The following KLRG1 variants were observed in gnomAD, a reference collection of about 807,000 sequenced individuals.
KLRG1 encodes the protein killer cell lectin-like receptor subfamily G member 1.
In KLRG1, 16 loss-of-function variants were observed where a neutral mutation model predicts 21.8. That is an observed-to-expected ratio of 0.73 (90% CI 0.50 to 1.11). KLRG1 has a LOEUF of 1.11. Among genes scored for constraint, KLRG1 ranks in the 50% most tolerant of loss-of-function variants. The probability of loss-of-function intolerance (pLI) is 0.00; values close to 1 mark genes in which losing one functional copy is unlikely to be tolerated. For missense variants in KLRG1, 173 were observed against 218.3 expected (o/e 0.79, Z 1.31); for synonymous variants, 69 against 75.9 (o/e 0.91, Z 0.47).
chr12:9,062,906 C>T, the KLRG1 span, among the ~76,000 whole-genome samples: 1 of 151,762 alleles, frequency 6.6e-6, no homozygotes, highest in Admixed American at 6.6e-5. Context: ...ATCAGTACTA[C>T]TAACGGCTTA....
chr12:8,968,354 T>A (rs1266457848), intron 1 of KLRG1, among the ~76,000 whole-genome samples: 1 of 152,188 alleles, frequency 6.6e-6, no homozygotes, highest in Non-Finnish European at 1.5e-5. Flanking sequence ...TACTAAGCCT[T>A]GCTCTAAAAT....
chr12:9,182,549 T>TA, the KLRG1 span, among the ~76,000 whole-genome samples: 124 of 152,138 alleles, frequency 8.2e-4, no homozygotes, highest in African/African-American at 2.7e-3. Context: ...GCTCTGTATG[T>TA]AAAAAAAAGT....
the KLRG1 span, chr12:9,072,667 A>T: frequency 6.2e-7 from 1 of 1,614,046 alleles, no homozygotes; most frequent in South Asian, 1.1e-5. Context: ...AGGTAGACAC[A>T]TCCTTCTCCT....
chr12:9,209,821 T>C, the KLRG1 span, among the ~76,000 whole-genome samples: 1 of 152,138 alleles, frequency 6.6e-6, no homozygotes, highest in Non-Finnish European at 1.5e-5. Context: ...GTATAAGTGG[T>C]ATGCACATAT....
the KLRG1 span, chr12:9,028,977 C>G: frequency 1.6e-6 from 1 of 618,000 alleles, no homozygotes; most frequent in Non-Finnish European, 3.1e-6. Flanking sequence ...CGTGAGCGTT[C>G]CCCATTGCTC....
At chr12:9,074,626 A>G in the KLRG1 span, 499 of 1,613,942 alleles carry the variant, frequency 3.1e-4, 6 homozygotes, top group East Asian at 0.011. Context: ...TGTTGGTTGC[A>G]GAGGTCAGGT....
the KLRG1 span, among the ~76,000 whole-genome samples, chr12:9,137,030 T>G: frequency 6.6e-6 from 1 of 152,208 alleles, no homozygotes; most frequent in Non-Finnish European, 1.5e-5. Context: ...CTTTCCAGTT[T>G]GACATAGTTC....
chr12:9,028,149 C>CTTTTT, the KLRG1 span: 214 of 485,318 alleles, frequency 4.4e-4, no homozygotes, highest in South Asian at 1.0e-3. Flanking sequence ...TCGTCTTCTT[C>CTTTTT]TTTTTTTTTT....
At chr12:9,118,738 G>A in the KLRG1 span, among the ~76,000 whole-genome samples, 63 of 152,274 alleles carry the variant, frequency 4.1e-4, no homozygotes, top group African/African-American at 1.5e-3. Flanking sequence ...GTGTCACAGT[G>A]GGAACTGCTT....
At chr12:9,196,293 G>A in the KLRG1 span, 269 of 1,446,136 alleles carry the variant, frequency 1.9e-4, 1 homozygote, top group African/African-American at 3.4e-3. Flanking sequence ...GGTGCAACTG[G>A]ATACTTTGCT....
the KLRG1 span, among the ~76,000 whole-genome samples, chr12:9,094,118 C>T: frequency 6.6e-6 from 1 of 151,930 alleles, no homozygotes; most frequent in African/African-American, 2.4e-5. Context: ...TCCAAGTTTC[C>T]ATTGGTGTGC....
chr12:9,134,291 A>T, the KLRG1 span, among the ~76,000 whole-genome samples: 2 of 152,174 alleles, frequency 1.3e-5, no homozygotes, highest in African/African-American at 4.8e-5. Flanking sequence ...TGGAGGCTAT[A>T]ATCCAGACCT....
the KLRG1 span, chr12:9,166,203 C>T: frequency 6.2e-7 from 1 of 1,608,032 alleles, no homozygotes; most frequent in African/African-American, 1.3e-5. Flanking sequence ...CCTAGACCTG[C>T]TAAAGTAAGA....
chr12:9,068,832 T>C, the KLRG1 span: 1 of 1,595,416 alleles, frequency 6.3e-7, no homozygotes, highest in Non-Finnish European at 8.5e-7. Context: ...GCTCAGTGTC[T>C]GATTTGACAC....
At chr12:9,160,505 A>C in the KLRG1 span, 1 of 1,604,302 alleles carries the variant, frequency 6.2e-7, no homozygotes, top group Middle Eastern at 1.7e-4. Context: ...GGAATGTGAA[A>C]GATTAGATGT....
At chr12:9,043,076 C>CT in the KLRG1 span, among the ~76,000 whole-genome samples, 50,573 of 131,146 alleles carry the variant, frequency 0.39, 10,559 homozygotes, top group African/African-American at 0.51. Context: ...TGGCAGATAT[C>CT]TTTTTTTTTT....
the KLRG1 span, chr12:9,156,010 T>A: frequency 5.8e-6 from 1 of 172,480 alleles, no homozygotes; most frequent in Admixed American, 6.4e-5. Flanking sequence ...TTTTATTGCT[T>A]CTTGACCTTT....
intron 1 of KLRG1, among the ~76,000 whole-genome samples, chr12:8,959,280 A>G (rs1452333145): frequency 1.3e-5 from 2 of 152,200 alleles, no homozygotes; most frequent in Non-Finnish European, 2.9e-5. Context: ...GAGCTTCTCC[A>G]ACTTCTCCTG....
At chr12:9,127,205 G>A in the KLRG1 span, among the ~76,000 whole-genome samples, 1 of 152,134 alleles carries the variant, frequency 6.6e-6, no homozygotes, top group Non-Finnish European at 1.5e-5. Context: ...TGCCGTCTGG[G>A]TTGTTCTGTC....
Sources: gnomAD v4.1 joint callset for allele counts (sites outside exome capture counted in the v4.1 genomes callset) on GRCh38, gnomAD v4.1.1 for gene constraint, MANE v1.5 for transcripts, NCBI Gene and HGNC (gene_info 2026-07-23, HGNC 2026-07-21) for gene names.